CNTN1: variants seen among roughly 807,000 people sequenced by gnomAD.
CNTN1 encodes the protein contactin-1.
In CNTN1, 38 loss-of-function variants were observed where a neutral mutation model predicts 126.4. The observed-to-expected ratio is 0.30, with a 90% CI of 0.23 to 0.39. The LOEUF (loss-of-function observed/expected upper bound fraction) is 0.39. Ranked by LOEUF, CNTN1 falls within the 10% of genes least tolerant of loss-of-function variation. The pLI is 1.00. For synonymous variants in CNTN1, 413 were observed against 422.6 expected, an observed-to-expected ratio of 0.98 and a Z score of 0.28; for missense variants, 1,009 against 1,248.4, an observed-to-expected ratio of 0.81 and a Z score of 2.89.
intron 1 of CNTN1, among the ~76,000 whole-genome samples, chr12:40,711,865 A>G (rs2121167242): frequency 6.6e-6 from 1 of 152,196 alleles, no homozygotes; most frequent in East Asian, 1.9e-4. Flanking sequence ...GGCACTTGCC[A>G]TTATGGCTAG....
At chr12:40,972,084 T>C in intron 15 of CNTN1, 2 of 985,346 alleles carry the variant, frequency 2.0e-6, no homozygotes, top group Non-Finnish European at 2.4e-6. Context: ...CTCTGTAGGG[T>C]TTTTGGAACA....
intron 1 of CNTN1, among the ~76,000 whole-genome samples, chr12:40,791,151 A>G (rs186368370): frequency 7.4e-4 from 113 of 152,230 alleles, no homozygotes; most frequent in African/African-American, 2.6e-3. Flanking sequence ...GCACACATTG[A>G]TGCCTATGAT....
chr12:41,039,914 T>C (rs1949359640), intron 23 of CNTN1, among the ~76,000 whole-genome samples: 1 of 152,082 alleles, frequency 6.6e-6, no homozygotes, highest in South Asian at 2.1e-4. Flanking sequence ...AGTAACAAAC[T>C]CTCAACTCAA....
At chr12:40,712,494 T>A (rs1266177600) in intron 1 of CNTN1, among the ~76,000 whole-genome samples, 1 of 152,048 alleles carries the variant, frequency 6.6e-6, no homozygotes, top group African/African-American at 2.4e-5. Context: ...TCATCTGCCT[T>A]GAGAAGCACA....
At chr12:41,044,570 C>A (rs796749303) in intron 23 of CNTN1, among the ~76,000 whole-genome samples, 38 of 145,742 alleles carry the variant, frequency 2.6e-4, no homozygotes, top group African/African-American at 1.0e-3. Flanking sequence ...TGAGGCAAAT[C>A]CTTCACCTCA....
At chr12:40,953,222 C>T in intron 14 of CNTN1, among the ~76,000 whole-genome samples, 1 of 152,064 alleles carries the variant, frequency 6.6e-6, no homozygotes, top group East Asian at 1.9e-4. Context: ...TTGGAACATC[C>T]CTGAGCTTTG....
chr12:41,063,625 G>A (rs1000421374), intron 23 of CNTN1, among the ~76,000 whole-genome samples: 4 of 152,130 alleles, frequency 2.6e-5, no homozygotes, highest in Admixed American at 2.6e-4. Context: ...CTTCTTACAT[G>A]GCCCTGCTTC....
intron 4 of CNTN1, 132 bp from the exon 5 acceptor site, chr12:40,922,124 C>T: frequency 1.3e-6 from 1 of 749,904 alleles, no homozygotes. Flanking sequence ...CAAAGAAATA[C>T]CACCTGAATC....
At chr12:40,976,020 G>A (rs1407174482) in intron 15 of CNTN1, among the ~76,000 whole-genome samples, 1 of 152,050 alleles carries the variant, frequency 6.6e-6, no homozygotes, top group Non-Finnish European at 1.5e-5. Context: ...TGACAAGAGA[G>A]GAGTGAAGAT....
chr12:40,933,313 C>T (rs1406750875), intron 7 of CNTN1, 148 bp from the exon 8 acceptor site: 1 of 653,428 alleles, frequency 1.5e-6, no homozygotes, highest in Non-Finnish European at 2.8e-6. Flanking sequence ...CATAAACAAA[C>T]AAGTCTATCC....
At chr12:40,725,574 G>A (rs1565651883) in intron 1 of CNTN1, among the ~76,000 whole-genome samples, 2 of 152,014 alleles carry the variant, frequency 1.3e-5, no homozygotes, top group African/African-American at 4.8e-5. Flanking sequence ...CCATCCCTTT[G>A]AAATATAATC....
At chr12:40,965,998 CCACACACACACACACA>C (rs57532764) in intron 15 of CNTN1, among the ~76,000 whole-genome samples, 7 of 136,200 alleles carry the variant, frequency 5.1e-5, no homozygotes, top group Admixed American at 7.4e-5. Flanking sequence ...CCTCATCACA[CCACACACACACACACA>C]CACACACACA....
intron 1 of CNTN1, among the ~76,000 whole-genome samples, chr12:40,827,888 G>T (rs1274283071): frequency 2.0e-5 from 3 of 152,056 alleles, no homozygotes; most frequent in African/African-American, 7.2e-5. Flanking sequence ...TGCATGCAGC[G>T]CTCATTCTTT....
chr12:40,905,819 T>C (rs4767993), intron 1 of CNTN1, among the ~76,000 whole-genome samples: 8,804 of 152,278 alleles, frequency 0.058, 514 homozygotes, highest in Admixed American at 0.16. Flanking sequence ...AAAAAAGTGA[T>C]CAAATTCACA....
At chr12:40,916,844 T>C (rs534657613) in intron 3 of CNTN1, among the ~76,000 whole-genome samples, 35 of 152,124 alleles carry the variant, frequency 2.3e-4, no homozygotes, top group African/African-American at 8.2e-4. Flanking sequence ...GAAAAGTTCA[T>C]GGCAGGAGCT....
intron 1 of CNTN1, among the ~76,000 whole-genome samples, chr12:40,821,989 A>G (rs1941453454): frequency 6.6e-6 from 1 of 151,896 alleles, no homozygotes; most frequent in Non-Finnish European, 1.5e-5. Context: ...GTGTTCCACT[A>G]CCAGCTTAAT....
intron 1 of CNTN1, among the ~76,000 whole-genome samples, chr12:40,905,848 G>T (rs1309388400): frequency 6.6e-6 from 1 of 152,162 alleles, no homozygotes; most frequent in Non-Finnish European, 1.5e-5. Flanking sequence ...ACAAAGTTTA[G>T]ATAGGCATAA....
chr12:40,707,258 T>G (rs1319432415), intron 1 of CNTN1, among the ~76,000 whole-genome samples: 1 of 121,972 alleles, frequency 8.2e-6, no homozygotes, highest in East Asian at 2.2e-4. Context: ...TTTTTTTTTT[T>G]TTTTTTTTGA....
intron 1 of CNTN1, among the ~76,000 whole-genome samples, 181 bp downstream of exon 1, chr12:40,692,773 C>T (rs1359926156): frequency 6.6e-6 from 1 of 152,206 alleles, no homozygotes; most frequent in Non-Finnish European, 1.5e-5. Context: ...TGCGGGGAAG[C>T]AGGGGTGCGG....
Sources: gnomAD v4.1 joint callset for allele counts (sites outside exome capture counted in the v4.1 genomes callset) on GRCh38, gnomAD v4.1.1 for gene constraint, MANE v1.5 for transcripts, NCBI Gene and HGNC (gene_info 2026-07-23, HGNC 2026-07-21) for gene names.